Variants in SNTG1 observed in about 807,000 individuals in gnomAD.
SNTG1 encodes the protein syntrophin gamma 1, also known as gamma-1-syntrophin.
Under a neutral mutation model 74.7 loss-of-function variants are expected in SNTG1, and 39 were observed. The observed-to-expected ratio is 0.52, with a 90% confidence interval of 0.40 to 0.68. SNTG1 has a LOEUF of 0.68. Among genes scored for constraint, SNTG1 ranks in the 30% least tolerant of loss-of-function variants. The pLI, the probability that SNTG1 is intolerant of heterozygous loss-of-function variation, is 0.00. For synonymous variants in SNTG1, 254 were observed against 217.1 expected (o/e 1.17, Z -1.49); for missense variants, 685 against 609.5 (o/e 1.12, Z -1.30).
chr8:49,987,883 C>G (rs541057073), intron 1 of SNTG1, among the ~76,000 whole-genome samples: 1 of 152,008 alleles, frequency 6.6e-6, no homozygotes, highest in African/African-American at 2.4e-5. Context: ...CTCCTGACCT[C>G]GCGATCTGCC....
chr8:50,442,454 G>A (rs1222696995), intron 5 of SNTG1, among the ~76,000 whole-genome samples: 1 of 151,828 alleles, frequency 6.6e-6, no homozygotes, highest in Non-Finnish European at 1.5e-5. Context: ...TATGCACCTG[G>A]CTCACTCCTG....
intron 2 of SNTG1, among the ~76,000 whole-genome samples, chr8:50,274,173 G>A (rs757343774): frequency 1.3e-3 from 197 of 151,852 alleles, no homozygotes; most frequent in Admixed American, 2.5e-3. Context: ...CTGCACCCTC[G>A]CCTCCCAGGT....
chr8:50,143,051 G>A (rs898044411), intron 1 of SNTG1, among the ~76,000 whole-genome samples: 5 of 151,726 alleles, frequency 3.3e-5, no homozygotes, highest in Admixed American at 6.6e-5. Flanking sequence ...TCCAGCCTGG[G>A]GGCCAGAGCA....
chr8:50,566,500 T>TCA (rs557028310), intron 12 of SNTG1, among the ~76,000 whole-genome samples: 23 of 151,658 alleles, frequency 1.5e-4, no homozygotes, highest in South Asian at 1.2e-3. Flanking sequence ...AATAAAACTA[T>TCA]CACACACACA....
intron 13 of SNTG1, among the ~76,000 whole-genome samples, chr8:50,642,802 A>G (rs2095082394): frequency 6.6e-6 from 1 of 152,140 alleles, no homozygotes; most frequent in Non-Finnish European, 1.5e-5. Context: ...ACTATTTAAC[A>G]TAACATGTAT....
At chr8:50,214,414 T>TAAC (rs1289930817) in intron 2 of SNTG1, among the ~76,000 whole-genome samples, 4 of 151,592 alleles carry the variant, frequency 2.6e-5, no homozygotes, top group Admixed American at 2.6e-4. Flanking sequence ...ATAATAATAA[T>TAAC]AAAATAAAAA....
At chr8:50,127,727 C>G (rs1480471010) in intron 1 of SNTG1, among the ~76,000 whole-genome samples, 1 of 152,128 alleles carries the variant, frequency 6.6e-6, no homozygotes. Flanking sequence ...GATATATTTC[C>G]AAAGTTATCT....
At chr8:50,578,845 C>T (rs971054852) in intron 12 of SNTG1, among the ~76,000 whole-genome samples, 1 of 152,110 alleles carries the variant, frequency 6.6e-6, no homozygotes, top group East Asian at 1.9e-4. Context: ...ATAAATTACC[C>T]AGACTTGGGT....
chr8:50,279,167 T>C (rs2088292069), intron 2 of SNTG1, among the ~76,000 whole-genome samples: 1 of 152,122 alleles, frequency 6.6e-6, no homozygotes, highest in African/African-American at 2.4e-5. Flanking sequence ...TACAATCTAA[T>C]TGAGAAAAAT....
intron 13 of SNTG1, among the ~76,000 whole-genome samples, chr8:50,618,889 A>ATG (rs766829118): frequency 2.5e-5 from 2 of 80,528 alleles, no homozygotes; most frequent in East Asian, 1.0e-3. Flanking sequence ...ATATATGTGT[A>ATG]TATGTGTGTG....
At chr8:50,236,324 T>C (rs1317444219) in intron 2 of SNTG1, among the ~76,000 whole-genome samples, 1 of 152,196 alleles carries the variant, frequency 6.6e-6, no homozygotes, top group East Asian at 1.9e-4. Flanking sequence ...TTCTAATTAG[T>C]GTCTTAGTGA....
intron 8 of SNTG1, among the ~76,000 whole-genome samples, chr8:50,480,671 C>T (rs751410409): frequency 6.6e-6 from 1 of 152,088 alleles, no homozygotes; most frequent in Non-Finnish European, 1.5e-5. Context: ...CACAGTGACC[C>T]AATGTTGAAG....
At chr8:50,107,543 C>T (rs914571812) in intron 1 of SNTG1, among the ~76,000 whole-genome samples, 5 of 151,236 alleles carry the variant, frequency 3.3e-5, no homozygotes, top group Non-Finnish European at 2.9e-5. Context: ...AACATAAATG[C>T]GGAATCAAGG....
intron 1 of SNTG1, among the ~76,000 whole-genome samples, chr8:50,115,188 T>A (rs1181902732): frequency 1.3e-5 from 2 of 152,144 alleles, no homozygotes; most frequent in African/African-American, 2.4e-5. Context: ...TTTCTGATAT[T>A]GTCTTGCAAA....
At chr8:50,476,807 A>G (rs956718600) in intron 8 of SNTG1, among the ~76,000 whole-genome samples, 12 of 151,520 alleles carry the variant, frequency 7.9e-5, no homozygotes, top group South Asian at 6.3e-4. Context: ...GAAATGGATG[A>G]TTCAAGGACT....
At chr8:50,210,483 G>C (rs996088147) in intron 2 of SNTG1, among the ~76,000 whole-genome samples, 1 of 152,154 alleles carries the variant, frequency 6.6e-6, no homozygotes, top group Admixed American at 6.5e-5. Flanking sequence ...AGAGAGAAAG[G>C]TAGGGTTACC....
intron 2 of SNTG1, among the ~76,000 whole-genome samples, chr8:50,369,604 A>G (rs2092217493): frequency 6.7e-6 from 1 of 149,850 alleles, no homozygotes; most frequent in East Asian, 2.0e-4. Flanking sequence ...CCCAAAAAGA[A>G]AAAAAAAAAA....
At chr8:50,286,758 G>T (rs778007991) in intron 2 of SNTG1, 1 of 152,110 alleles carries the variant, frequency 6.6e-6, no homozygotes. Flanking sequence ...ATAAATTTTT[G>T]TTAAGTTCAT....
rs10283222 is a variant in SNTG1 at position 50,343,042 on chromosome 8, A to G, written c.-27-51170A>G. Among the ~76,000 whole-genome samples, 912 of 152,326 alleles carry G rather than the reference A, an allele frequency of 6.0e-3. 7 individuals carry two copies. The highest frequency in any genetic ancestry group is 0.021 in the African/African-American group (855 of 41,580). ...GAAACAAAATTGGGATCAAAACCAG[A>G]AAACAAACAGAGATACACAAATCAA... On this transcript the variant is annotated intron_variant, in intron 2 of 18. Transcript: ENST00000642720.
Sources: allele counts gnomAD v4.1 joint callset (sites outside exome capture counted in the v4.1 genomes callset), GRCh38; gene constraint gnomAD v4.1.1; transcripts MANE v1.5; gene names NCBI Gene and HGNC (gene_info 2026-07-23, HGNC 2026-07-21).